Variants in TNFRSF10B observed in about 807,000 individuals in gnomAD.
TNFRSF10B encodes the protein tumor necrosis factor receptor superfamily member 10B.
TNFRSF10B carries 35 observed loss-of-function variants against 41.4 expected under a neutral mutation model. That is an observed-to-expected ratio of 0.85 (90% confidence interval 0.65 to 1.12). The LOEUF (loss-of-function observed/expected upper bound fraction) is 1.12. Among genes scored for constraint, TNFRSF10B ranks in the 50% most tolerant of loss-of-function variants. The probability of loss-of-function intolerance (pLI) is 0.00; values close to 1 mark genes in which losing one functional copy is unlikely to be tolerated. For synonymous variants in TNFRSF10B, 230 were observed against 215.5 expected (o/e 1.07, Z -0.59); for missense variants, 584 against 552.7 (o/e 1.06, Z -0.57).
At position 23,024,166 on chromosome 8, in the gene TNFRSF10B, T is replaced by C. The variant is rs374964624; in HGVS notation, c.1009+22A>G. ...CCCTATTCCCTCCATTCCTGCTGCA[T>C]CTCCAGGAGCAAAACACTTACTCTC... On this transcript the variant is annotated intron_variant, in intron 8 of 8. Transcript: ENST00000276431. The C allele has an allele frequency of 1.2e-5, 19 of 1,613,832 alleles. No homozygotes were observed. In the African/African-American group the frequency reaches 2.0e-4, roughly 17 times the overall value.
chr8:23,023,275 A>C lies in TNFRSF10B; in HGVS notation c.1010-291T>G, dbSNP rs73543010. ...ATGGACGTTACAGAGGCAGAAAGTA[A>C]AGTGCGTGAGAGTCCGAGGGAGGGA... On this transcript the variant is annotated intron_variant, in intron 8 of 8. Transcript: ENST00000276431. Among the ~76,000 whole-genome samples the C allele has an allele frequency of 4.9e-3, 743 of 152,304 alleles. 7 individuals carry two copies. Among genetic ancestry groups the C allele is most frequent in the African/African-American group, 0.017 (704 of 41,580 alleles).
chr8:23,020,611 G>C lies in TNFRSF10B; in HGVS notation c.*2060C>G. ...GGAGGCTGAGGCACGAGAATCGCTT[G>C]AACCCAGGAGGCGGAGGTTGCACTG... is the stretch of plus-strand genomic sequence containing the variant. On this transcript the variant is annotated 3_prime_UTR_variant, in exon 9 of 9. Transcript: ENST00000276431. 2.2e-6 allele frequency: 1 copy of C among 451,518 alleles called. No individual in the cohort carries two copies. The highest frequency in any genetic ancestry group is 4.4e-6 in the Non-Finnish European group (1 of 224,808). The allele number at this position is 451,518 out of a possible 1,614,324, so 28.0% of individuals were successfully genotyped here.
chr8:23,049,900 C>A (rs1432372763), intron 1 of TNFRSF10B: 1 of 152,258 alleles, frequency 6.6e-6, no homozygotes, highest in Non-Finnish European at 1.5e-5. Context: ...AAGTCGCCAG[C>A]CAGAAGATAA....
chr8:23,035,125 A>G (rs887862833), intron 2 of TNFRSF10B, among the ~76,000 whole-genome samples: 4 of 151,872 alleles, frequency 2.6e-5, no homozygotes, highest in African/African-American at 9.7e-5. Flanking sequence ...GCCCTATGTC[A>G]TAATTTAGTT....
chr8:23,062,215 TTTTTTC>T (rs543823064), intron 1 of TNFRSF10B, among the ~76,000 whole-genome samples: 307 of 152,186 alleles, frequency 2.0e-3, no homozygotes, highest in African/African-American at 7.2e-3. Context: ...ATGGTTTTTC[TTTTTTC>T]TTTTTCTTTC....
chr8:23,051,773 G>A (rs1380728993), intron 1 of TNFRSF10B, among the ~76,000 whole-genome samples: 1 of 152,040 alleles, frequency 6.6e-6, no homozygotes, highest in Non-Finnish European at 1.5e-5. Flanking sequence ...TCCATCTCCT[G>A]ACCTTCTGAT....
rs1462351823 is a variant in TNFRSF10B, at chr8:23,021,195, A to C, written c.*1476T>G. 2.2e-6 allele frequency: 1 copy of C among 454,032 alleles called. No homozygotes were observed. Among genetic ancestry groups the C allele is most frequent in the Non-Finnish European group, 4.4e-6 (1 of 226,804 alleles). 28.1% of individuals were successfully genotyped at this position (454,032 alleles called of 1,614,324 possible). The stretch of plus-strand genomic sequence containing the variant: ...GAAATGGTTACTGAGGTCTTAAAAC[A>C]ATAATAGAACAGGACACAAGAAGAA... On this transcript the variant is annotated 3_prime_UTR_variant, in exon 9 of 9. Coordinates refer to ENST00000276431, the MANE Select transcript of TNFRSF10B (RefSeq NM_003842.5).
chr8:23,045,144 C>G (rs1027461830), intron 1 of TNFRSF10B, among the ~76,000 whole-genome samples: 1 of 147,868 alleles, frequency 6.8e-6, no homozygotes, highest in African/African-American at 2.5e-5. Flanking sequence ...GCACAAAAAT[C>G]ACTTGAACCT....
Position 23,022,029 on chromosome 8 carries a change from T to C in TNFRSF10B, c.*642A>G, listed in dbSNP as rs1232495446. ...ATTCCACCGCTTTGGGAGTCTGAGGTGGGCAGACTGCTTGAGTCCAGGAAT... is the reference window on the plus strand; with the variant it reads ...ATTCCACCGCTTTGGGAGTCTGAGGCGGGCAGACTGCTTGAGTCCAGGAAT... On this transcript the variant is annotated 3_prime_UTR_variant, in exon 9 of 9. Transcript: ENST00000276431. 2.2e-6 allele frequency: 1 copy of C among 449,688 alleles called. No individual in the cohort carries two copies. The highest frequency in any genetic ancestry group is 2.0e-5 in the African/African-American group (1 of 49,834). 27.9% of individuals were successfully genotyped at this position (449,688 alleles called of 1,614,324 possible).
intron 1 of TNFRSF10B, among the ~76,000 whole-genome samples, chr8:23,051,031 G>A (rs577261909): frequency 3.9e-4 from 59 of 152,322 alleles, no homozygotes; most frequent in Non-Finnish European, 6.8e-4. Context: ...CAGAGATCAT[G>A]CCACTGTACT....
chr8:23,026,637 C>A (rs1034065078), intron 7 of TNFRSF10B, among the ~76,000 whole-genome samples: 19 of 152,312 alleles, frequency 1.2e-4, no homozygotes, highest in Admixed American at 1.2e-3. Context: ...AATATCACAT[C>A]AAAACTGATG....
At chr8:23,029,967 C>T (rs375414212) in intron 3 of TNFRSF10B, among the ~76,000 whole-genome samples, 10 of 152,178 alleles carry the variant, frequency 6.6e-5, no homozygotes, top group East Asian at 5.8e-4. Context: ...GGGAAAGCAC[C>T]GTTTAGGGGA....
chr8:23,036,929 G>A (rs896902182), intron 2 of TNFRSF10B, among the ~76,000 whole-genome samples: 4 of 152,192 alleles, frequency 2.6e-5, no homozygotes, highest in African/African-American at 9.6e-5. Context: ...GGCTAGACAT[G>A]TAGTTATATA....
chr8:23,020,692 A>T lies in TNFRSF10B; in HGVS notation c.*1979T>A, dbSNP rs1811490142. ...GGGCGAGAGAGTGAGATTCTGTCTC[A>T]AAAAAATTAAAAATAAAAGAAAAAT... On this transcript the variant is annotated 3_prime_UTR_variant, in exon 9 of 9. Transcript: ENST00000276431. 2.2e-6 allele frequency: 1 copy of T among 453,726 alleles called. No homozygotes were observed. Among genetic ancestry groups the T allele is most frequent in the Admixed American group, 2.4e-5 (1 of 42,540 alleles). 28.1% of individuals were successfully genotyped at this position (453,726 alleles called of 1,614,324 possible). A position where few individuals can be genotyped will look rare whatever the true frequency, so the allele number is the denominator to read the frequency against.
intron 8 of TNFRSF10B, 25 bp from the exon 9 acceptor site, chr8:23,023,009 G>A: frequency 6.2e-7 from 1 of 1,605,836 alleles, no homozygotes; most frequent in Non-Finnish European, 8.5e-7. Context: ...CACAGAGACA[G>A]CCAGGTGAGT....
Position 23,021,387 on chromosome 8 carries a change from G to A in TNFRSF10B, c.*1284C>T, listed in dbSNP as rs746292971. The A allele has an allele frequency of 7.7e-5, 35 of 453,910 alleles. No individual in the cohort carries two copies. The highest frequency in any genetic ancestry group is 6.8e-4 in the Middle Eastern group (1 of 1,466). The allele number at this position is 453,910 out of a possible 1,614,324, so 28.1% of individuals were successfully genotyped here. On this transcript the variant is annotated 3_prime_UTR_variant, in exon 9 of 9. Coordinates refer to ENST00000276431, the MANE Select transcript of TNFRSF10B (RefSeq NM_003842.5). Reference sequence around the variant, plus strand: ...GGTGACAGATAACCAGAAGTGAGCCGGGCCATCTACTCCTGAGATGGCAAC... The same window carrying A: ...GGTGACAGATAACCAGAAGTGAGCCAGGCCATCTACTCCTGAGATGGCAAC...
intron 1 of TNFRSF10B, among the ~76,000 whole-genome samples, chr8:23,050,162 G>A (rs756663943): frequency 6.6e-6 from 1 of 152,364 alleles, no homozygotes; most frequent in Non-Finnish European, 1.5e-5. Flanking sequence ...ATCCGGTACT[G>A]CCAAGGGAAG....
At position 23,022,662 on chromosome 8, in the gene TNFRSF10B, G is replaced by C; in HGVS notation, c.*9C>G. The C allele has an allele frequency of 6.2e-7, 1 of 1,613,964 alleles. No homozygotes were observed. The highest frequency in any genetic ancestry group is 8.5e-7 in the Non-Finnish European group (1 of 1,180,018). ...CAGGGAAGGTCTGACTTCCTGAAGA[G>C]AATCACACTTAGGACATGGCAGAGT... On this transcript the variant is annotated 3_prime_UTR_variant, in exon 9 of 9. Transcript: ENST00000276431.
chr8:23,031,003 T>C (rs1447827456), intron 2 of TNFRSF10B, 131 bp from the exon 3 acceptor site: 2 of 696,928 alleles, frequency 2.9e-6, no homozygotes, highest in African/African-American at 3.5e-5. Context: ...CCTAGCTTGG[T>C]CAGTTCATCA....
Sources: gnomAD v4.1 joint callset for allele counts (sites outside exome capture counted in the v4.1 genomes callset) on GRCh38, gnomAD v4.1.1 for gene constraint, MANE v1.5 for transcripts, NCBI Gene and HGNC (gene_info 2026-07-23, HGNC 2026-07-21) for gene names.